Variants in SHROOM2 observed in about 807,000 individuals in gnomAD.
SHROOM2 encodes the protein shroom family member 2.
A neutral mutation model predicts 75.9 loss-of-function variants in SHROOM2; 33 were observed. The observed-to-expected ratio is 0.43, with a 90% CI of 0.33 to 0.58. The LOEUF is 0.58. Among genes scored for constraint, SHROOM2 ranks in the 20% least tolerant of loss-of-function variants. The pLI is 0.04. For synonymous variants in SHROOM2, 655 were observed against 663.6 expected, an observed-to-expected ratio of 0.99 and a Z score of 0.20; for missense variants, 1,434 against 1,461.2, an observed-to-expected ratio of 0.98 and a Z score of 0.30.
intron 5 of SHROOM2, among the ~76,000 whole-genome samples, chrX:9,923,656 T>C (rs1465326531): frequency 2.7e-5 from 3 of 111,965 alleles, no homozygotes; most frequent in Non-Finnish European, 1.9e-5. Flanking sequence ...GAACCAAGAA[T>C]GTGGCTCTCC....
chrX:9,833,648 A>ATGTGTGTGTG (rs1569144908), intron 1 of SHROOM2, among the ~76,000 whole-genome samples: 1 of 77,063 alleles, frequency 1.3e-5, no homozygotes, highest in African/African-American at 7.6e-5. Context: ...GTGTGTGTGC[A>ATGTGTGTGTG]TGCACGTGCA....
intron 5 of SHROOM2, among the ~76,000 whole-genome samples, chrX:9,902,579 CCTT>C (rs1462708705): frequency 8.9e-6 from 1 of 112,542 alleles, no homozygotes; most frequent in African/African-American, 3.2e-5. Context: ...CTTTATTTAT[CCTT>C]CTGCACTAGC....
At chrX:9,818,536 A>C (rs950089860) in intron 1 of SHROOM2, 2 of 290,426 alleles carry the variant, frequency 6.9e-6, no homozygotes, top group African/African-American at 5.6e-5. Flanking sequence ...TCTTAGAGAT[A>C]AGCTGAGCTT....
intron 2 of SHROOM2, among the ~76,000 whole-genome samples, 186 bp downstream of exon 2, chrX:9,873,989 C>T (rs569377408): frequency 3.6e-5 from 4 of 111,968 alleles, no homozygotes; most frequent in Middle Eastern, 4.2e-3. Flanking sequence ...AATTTTATTA[C>T]GACGATTTTT....
chrX:9,843,195 G>GT (rs1225493893), intron 1 of SHROOM2, among the ~76,000 whole-genome samples: 251 of 101,495 alleles, frequency 2.5e-3, no homozygotes, highest in East Asian at 0.016. Context: ...TCCCCCTATT[G>GT]TTTTTTTTTT....
Position 9,948,220 on chromosome X carries a change from G to A in SHROOM2, c.*1283G>A, listed in dbSNP as rs770552117. The A allele has an allele frequency of 2.7e-5, 3 of 112,527 alleles. No individual in the cohort carries two copies. The highest frequency in any genetic ancestry group is 5.6e-4 in the East Asian group (2 of 3,600). 9.3% of individuals were successfully genotyped at this position (112,527 alleles called of 1,213,427 possible). A position where few individuals can be genotyped will look rare whatever the true frequency, so the allele number is the denominator to read the frequency against. Reference sequence around the variant, plus strand: ...AGACACTTCACCAAAGAGCATACACGCGTGGCAAACAAGCACACGAAAAGA... The same window carrying A: ...AGACACTTCACCAAAGAGCATACACACGTGGCAAACAAGCACACGAAAAGA... On this transcript the variant is annotated 3_prime_UTR_variant, in exon 10 of 10. Transcript: ENST00000380913.
chrX:9,891,581 G>A (rs899371693), intron 3 of SHROOM2, among the ~76,000 whole-genome samples: 2 of 112,295 alleles, frequency 1.8e-5, no homozygotes, highest in African/African-American at 3.2e-5. Flanking sequence ...AGAGGATGGC[G>A]GTAACAGCAG....
chrX:9,910,077 G>T (rs1201708171), intron 5 of SHROOM2, among the ~76,000 whole-genome samples: 1 of 110,427 alleles, frequency 9.1e-6, no homozygotes, highest in Admixed American at 9.7e-5. Context: ...ATCACCTGGG[G>T]GTTAGGTTTC....
chrX:9,822,985 A>ATCTTCTTC (rs1555924259), intron 1 of SHROOM2, among the ~76,000 whole-genome samples: 131 of 88,198 alleles, frequency 1.5e-3, no homozygotes, highest in East Asian at 0.014. Flanking sequence ...AAGAATAATA[A>ATCTTCTTC]TTCTTCTTCT....
chrX:9,801,084 C>G (rs1310818379), intron 1 of SHROOM2, among the ~76,000 whole-genome samples: 1 of 111,493 alleles, frequency 9.0e-6, no homozygotes, highest in Non-Finnish European at 1.9e-5. Flanking sequence ...GCTGGGGAGG[C>G]CTCACCATCA....
At chrX:9,946,251 C>T (rs753082744) in intron 9 of SHROOM2, among the ~76,000 whole-genome samples, 2 of 113,280 alleles carry the variant, frequency 1.8e-5, no homozygotes, top group South Asian at 3.6e-4. Context: ...CTCGAGTCCA[C>T]CCATGTGGCC....
At chrX:9,816,580 C>CCTGCTGCTGCTGCTGCTGCTG (rs112480338) in intron 1 of SHROOM2, among the ~76,000 whole-genome samples, 1,029 of 102,541 alleles carry the variant, frequency 0.01, 17 homozygotes, top group East Asian at 0.068. Flanking sequence ...AGCCTTACCC[C>CCTGCTGCTGCTGCTGCTGCTG]CTGCTGCTGC....
intron 5 of SHROOM2, among the ~76,000 whole-genome samples, chrX:9,914,313 G>A (rs1432638515): frequency 9.1e-6 from 1 of 109,554 alleles, no homozygotes; most frequent in East Asian, 2.9e-4. Flanking sequence ...TTTTGCATGG[G>A]CTGGCTGCTC....
At chrX:9,815,139 T>C (rs1029497604) in intron 1 of SHROOM2, among the ~76,000 whole-genome samples, 1 of 111,590 alleles carries the variant, frequency 9.0e-6, no homozygotes, top group Non-Finnish European at 1.9e-5. Context: ...GTATTATGTA[T>C]AGAGTCACTA....
At chrX:9,806,264 C>T (rs1337290664) in intron 1 of SHROOM2, among the ~76,000 whole-genome samples, 2 of 110,775 alleles carry the variant, frequency 1.8e-5, no homozygotes, top group Admixed American at 9.7e-5. Context: ...TCTCTTCACT[C>T]GCACAGCAGG....
At chrX:9,838,771 A>T (rs768189990) in intron 1 of SHROOM2, among the ~76,000 whole-genome samples, 1 of 111,967 alleles carries the variant, frequency 8.9e-6, no homozygotes, top group Non-Finnish European at 1.9e-5. Context: ...AAGGGCTGGC[A>T]CATTCTCTGG....
At chrX:9,791,979 T>C (rs868780785) in intron 1 of SHROOM2, among the ~76,000 whole-genome samples, 3 of 92 alleles carry the variant, frequency 0.033, no homozygotes, top group South Asian at 0.25. Flanking sequence ...GAGAATAGAA[T>C]AGAATAGAAT....
chrX:9,861,958 C>T (rs1456480712), intron 1 of SHROOM2, among the ~76,000 whole-genome samples: 1 of 111,564 alleles, frequency 9.0e-6, no homozygotes, highest in African/African-American at 3.3e-5. Context: ...AGTTAGGAGA[C>T]GGAAGCCACA....
At chrX:9,931,727 T>C (rs1437040390) in intron 5 of SHROOM2, among the ~76,000 whole-genome samples, 1 of 111,956 alleles carries the variant, frequency 8.9e-6, no homozygotes, top group Non-Finnish European at 1.9e-5. Flanking sequence ...TTGCAGCTCA[T>C]CTTAGAAAGG....
Sources: allele counts gnomAD v4.1 joint callset (sites outside exome capture counted in the v4.1 genomes callset), GRCh38; gene constraint gnomAD v4.1.1; transcripts MANE v1.5; gene names NCBI Gene and HGNC (gene_info 2026-07-23, HGNC 2026-07-21).